Variants in HCRTR2 observed in about 807,000 individuals in gnomAD.
HCRTR2 encodes the protein hypocretin receptor 2, also known as orexin receptor type 2.
HCRTR2 carries 22 observed loss-of-function variants against 49.0 expected under a neutral mutation model. That is an observed-to-expected ratio of 0.45 (90% CI 0.32 to 0.64). HCRTR2 has a LOEUF of 0.64. Among genes scored for constraint, HCRTR2 ranks in the 30% least tolerant of loss-of-function variants. The pLI is 0.04. For synonymous variants in HCRTR2, 236 were observed against 205.3 expected (o/e 1.15, Z -1.28); for missense variants, 491 against 559.4 (o/e 0.88, Z 1.23).
At chr6:55,237,199 A>C (rs190978910) in intron 1 of HCRTR2, among the ~76,000 whole-genome samples, 225 of 151,812 alleles carry the variant, frequency 1.5e-3, no homozygotes, top group Non-Finnish European at 2.7e-3. Flanking sequence ...GACATTATTA[A>C]TTCAATCATT....
At chr6:55,173,671 C>T (rs1395355244), upstream of HCRTR2, among the ~76,000 whole-genome samples, 1 of 152,172 alleles carries the variant, frequency 6.6e-6, no homozygotes, top group Non-Finnish European at 1.5e-5. Context: ...TATTGGTGGT[C>T]TGTCATGCTT....
chr6:55,141,353 AAAAAAG>A (rs1192265684), intron 1 of HCRTR2, among the ~76,000 whole-genome samples: 3 of 152,074 alleles, frequency 2.0e-5, no homozygotes, highest in Admixed American at 1.3e-4. Flanking sequence ...CAAAAGAAGA[AAAAAAG>A]AAAAAGAAAA....
chr6:55,174,838 A>G (rs371585189), intron 1 of HCRTR2, 28 bp downstream of exon 1: 3 of 1,572,022 alleles, frequency 1.9e-6, no homozygotes, highest in African/African-American at 1.4e-5. Flanking sequence ...CAGCCCTCCT[A>G]GGGGCTATCA....
At chr6:55,276,222 A>G (rs1275962328) in intron 4 of HCRTR2, among the ~76,000 whole-genome samples, 1 of 152,172 alleles carries the variant, frequency 6.6e-6, no homozygotes, top group Admixed American at 6.5e-5. Flanking sequence ...AATTTATCCG[A>G]TATTTTCCAT....
At chr6:55,224,499 T>A (rs1216508440) in intron 1 of HCRTR2, among the ~76,000 whole-genome samples, 1 of 151,838 alleles carries the variant, frequency 6.6e-6, no homozygotes, top group Non-Finnish European at 1.5e-5. Context: ...GGTGGGCGCC[T>A]GTAGTCCCAG....
chr6:55,112,381 A>G (rs562561563), intron 1 of HCRTR2, among the ~76,000 whole-genome samples: 1 of 152,020 alleles, frequency 6.6e-6, no homozygotes, highest in East Asian at 1.9e-4. Context: ...ATATGATTGT[A>G]TACTTAGAAA....
At chr6:55,283,415 C>T (rs981647555), downstream of HCRTR2, among the ~76,000 whole-genome samples, 4 of 151,694 alleles carry the variant, frequency 2.6e-5, no homozygotes, top group African/African-American at 9.7e-5. Flanking sequence ...AAGTTTGTAG[C>T]GCAGTTGCAC....
At chr6:55,117,375 T>C (rs912727940) in intron 1 of HCRTR2, among the ~76,000 whole-genome samples, 1 of 151,772 alleles carries the variant, frequency 6.6e-6, no homozygotes, top group Non-Finnish European at 1.5e-5. Context: ...AACAAGGGAT[T>C]AGAATCCAAT....
intron 6 of HCRTR2, 70 bp from the exon 7 acceptor site, chr6:55,282,155 G>T (rs748559712): frequency 1.2e-4 from 134 of 1,118,822 alleles, no homozygotes; most frequent in Non-Finnish European, 1.7e-4. Context: ...CAACTCAGTT[G>T]TACCCTATTC....
At chr6:55,126,485 A>G (rs9367615) in intron 1 of HCRTR2, among the ~76,000 whole-genome samples, 46,689 of 152,090 alleles carry the variant, frequency 0.31, 9,269 homozygotes, top group East Asian at 0.79. Flanking sequence ...GCTTCATCCC[A>G]GAGATCCCCT....
chr6:55,266,662 A>C (rs1766866028), intron 4 of HCRTR2, among the ~76,000 whole-genome samples: 5 of 152,098 alleles, frequency 3.3e-5, no homozygotes, highest in Admixed American at 3.3e-4. Context: ...ATTTATTTAC[A>C]AATTGACATA....
At chr6:55,236,326 A>G (rs868337447) in intron 1 of HCRTR2, among the ~76,000 whole-genome samples, 1 of 151,956 alleles carries the variant, frequency 6.6e-6, no homozygotes, top group South Asian at 2.1e-4. Context: ...GATTTTGCAT[A>G]TATACATTAT....
intron 1 of HCRTR2, among the ~76,000 whole-genome samples, chr6:55,159,400 C>G (rs757165147): frequency 6.6e-6 from 1 of 152,222 alleles, no homozygotes. Flanking sequence ...CACAAAAAAG[C>G]TGAAAATTCC....
At chr6:55,229,251 A>C (rs1766068445) in intron 1 of HCRTR2, among the ~76,000 whole-genome samples, 1 of 152,120 alleles carries the variant, frequency 6.6e-6, no homozygotes, top group African/African-American at 2.4e-5. Context: ...CTGGCATCAA[A>C]CTCCAAGACT....
intron 1 of HCRTR2, among the ~76,000 whole-genome samples, chr6:55,180,727 A>T (rs1765117166): frequency 6.6e-6 from 1 of 152,172 alleles, no homozygotes; most frequent in Admixed American, 6.5e-5. Flanking sequence ...TCTTTTTGTC[A>T]TGCATTGCCA....
At chr6:55,246,070 C>T (rs935751812) in intron 1 of HCRTR2, among the ~76,000 whole-genome samples, 1 of 151,938 alleles carries the variant, frequency 6.6e-6, no homozygotes, top group East Asian at 1.9e-4. Flanking sequence ...AGTTATACTG[C>T]ACAAGCTAAA....
At chr6:55,245,467 TTTTATATATATATA>T (rs1314892749) in intron 1 of HCRTR2, among the ~76,000 whole-genome samples, 13 of 101,376 alleles carry the variant, frequency 1.3e-4, no homozygotes, top group African/African-American at 4.4e-4. Context: ...CATAGGAAGA[TTTTATATATATATA>T]TATATATATA....
intron 1 of HCRTR2, among the ~76,000 whole-genome samples, chr6:55,117,407 C>T (rs1337179250): frequency 1.3e-5 from 2 of 151,488 alleles, no homozygotes; most frequent in Non-Finnish European, 3.0e-5. Flanking sequence ...CAGACAAGTG[C>T]TCTTTTTTTG....
chr6:55,214,400 T>C (rs1270690383), intron 1 of HCRTR2, among the ~76,000 whole-genome samples: 1 of 152,176 alleles, frequency 6.6e-6, no homozygotes, highest in Admixed American at 6.5e-5. Context: ...GATGCAATCA[T>C]AACTCACTGC....
Sources: allele counts gnomAD v4.1 joint callset (sites outside exome capture counted in the v4.1 genomes callset), GRCh38; gene constraint gnomAD v4.1.1; transcripts MANE v1.5; gene names NCBI Gene and HGNC (gene_info 2026-07-23, HGNC 2026-07-21).